Variants in RLF observed in about 807,000 individuals in gnomAD.
RLF encodes RLF zinc finger.
A neutral mutation model predicts 162.9 loss-of-function variants in RLF; 7 were observed. That is an observed-to-expected ratio of 0.04 (90% CI 0.02 to 0.08). The LOEUF is 0.08. RLF is among the 10% of genes least tolerant of loss of function. The pLI, the probability that RLF is intolerant of heterozygous loss-of-function variation, is 1.00. For synonymous variants in RLF, 782 were observed against 791.5 expected, an observed-to-expected ratio of 0.99 and a Z score of 0.20; for missense variants, 1,664 against 2,244.7, an observed-to-expected ratio of 0.74 and a Z score of 5.23.
rs1642080443 is a variant in RLF, at chr1:40,161,433, G to T, written c.34G>T (p.Ala12Ser). The change falls in exon 1 of 8, where the codon GCC becomes TCC. Residue 12 changes from alanine to serine, a missense_variant. Transcript: ENST00000372771. This position sits in a 1 kb window ranked among gnomAD's most constrained non-coding sequence, Gnocchi z 4.4. ...CGGAAAGGGAGACGCCGCCGCTGTCGCCGGGGCTGGGGCTGAGGCTCCGGC... is the reference window on the plus strand; with the variant it reads ...CGGAAAGGGAGACGCCGCCGCTGTCTCCGGGGCTGGGGCTGAGGCTCCGGC... ...ADGKGDAAAV[A>S]GAGAEAPAVA... 1 of 1,558,278 alleles carries T rather than the reference G, an allele frequency of 6.4e-7. No homozygotes were observed. The highest frequency in any genetic ancestry group is 8.6e-7 in the Non-Finnish European group (1 of 1,157,358).
At chr1:40,235,095 C>G (rs1375281597) in intron 7 of RLF, among the ~76,000 whole-genome samples, 2 of 105,626 alleles carry the variant, frequency 1.9e-5, no homozygotes, top group South Asian at 3.4e-4. Flanking sequence ...GAGTTTTGCT[C>G]TTGTTGCCCA....
intron 6 of RLF, among the ~76,000 whole-genome samples, chr1:40,223,987 A>G (rs1420522655): frequency 6.6e-6 from 1 of 152,262 alleles, no homozygotes. Context: ...AGCGACTTAA[A>G]TATAATTTCT....
intron 4 of RLF, among the ~76,000 whole-genome samples, chr1:40,200,984 C>CACACACACA (rs1275639497): frequency 9.2e-6 from 1 of 109,136 alleles, no homozygotes; most frequent in African/African-American, 4.5e-5. Flanking sequence ...CACACACACA[C>CACACACACA]CCCAGTGGTT....
chr1:40,222,348 C>T (rs1261821802), intron 5 of RLF, among the ~76,000 whole-genome samples: 1 of 152,110 alleles, frequency 6.6e-6, no homozygotes, highest in African/African-American at 2.4e-5. Context: ...TTTTAAACTG[C>T]AAAAATGTTT....
rs1007584199 is a variant in RLF at position 40,240,612 on chromosome 1, A to C, written c.*165A>C. ...TATGTCAGCAGTATTGGCTGAGTCC[A>C]TTAGCTCTCCAGTTGGTTTAATGAT... On this transcript the variant is annotated 3_prime_UTR_variant, in exon 8 of 8. Transcript: ENST00000372771. 2 of 582,332 alleles carry C rather than the reference A, an allele frequency of 3.4e-6. No individual in the cohort carries two copies. Among genetic ancestry groups the C allele is most frequent in the Middle Eastern group, 2.6e-4 (1 of 3,824 alleles). 36.1% of individuals were successfully genotyped at this position (582,332 alleles called of 1,614,324 possible).
chr1:40,207,770 C>T (rs1183368115), intron 5 of RLF, among the ~76,000 whole-genome samples: 1 of 152,116 alleles, frequency 6.6e-6, no homozygotes, highest in African/African-American at 2.4e-5. Context: ...GCCACTACAC[C>T]TAGCTCATTT....
In RLF at chr1:40,238,354, T is replaced by A; in HGVS notation, c.3652T>A (p.Cys1218Ser). The A allele has an allele frequency of 1.2e-6, 2 of 1,614,170 alleles. No homozygotes were observed. The highest frequency in any genetic ancestry group is 8.5e-7 in the Non-Finnish European group (1 of 1,180,014). ...TGAAAAGTGTGATCATGAAGGCCCATGTTCAGTAGATAGGTTGAAAGGTGA... is the reference window on the plus strand; with the variant it reads ...TGAAAAGTGTGATCATGAAGGCCCAAGTTCAGTAGATAGGTTGAAAGGTGA... Reference protein sequence around the residue: ...DNEKCDHEGPCSVDRLKGDCS... With the variant: ...DNEKCDHEGPSSVDRLKGDCS... The change falls in exon 8 of 8, where the codon TGT becomes AGT. Residue 1218 changes from cysteine (C) to serine (S), a missense_variant. Cys to Ser is a moderately radical substitution (Grantham distance 112). This residue lies in a region of RLF where 102 missense variants were observed against 109.5 expected (regional missense o/e 0.93). Transcript: ENST00000372771. This position sits in a 1 kb window ranked among gnomAD's most constrained non-coding sequence, Gnocchi z 5.2.
intron 5 of RLF, among the ~76,000 whole-genome samples, chr1:40,205,693 G>A (rs559723491): frequency 1.1e-4 from 17 of 151,952 alleles, no homozygotes; most frequent in Non-Finnish European, 1.9e-4. Flanking sequence ...GGGTTTCACC[G>A]TGTCAGCCAA....
rs1160548011 is a variant in RLF, at chr1:40,237,772, G to C, written c.3070G>C (p.Asp1024His). 6.2e-7 allele frequency: 1 copy of C among 1,614,096 alleles called. No individual in the cohort carries two copies. Among genetic ancestry groups the C allele is most frequent in the Non-Finnish European group, 8.5e-7 (1 of 1,180,004 alleles). Reference protein sequence around the residue: ...PCSDTNSDSPDEGLDHNIHIK... With the variant: ...PCSDTNSDSPHEGLDHNIHIK... Reference sequence around the variant, plus strand: ...CTCAGATACAAACAGTGACTCCCCAGATGAAGGTCTAGATCACAATATTCA... The same window carrying C: ...CTCAGATACAAACAGTGACTCCCCACATGAAGGTCTAGATCACAATATTCA... Residue 1024 changes from aspartate (D) to histidine (H), a missense_variant, in exon 8 of 8, where the codon GAT (aspartate) becomes CAT (histidine). Coordinates refer to ENST00000372771, the MANE Select transcript of RLF (RefSeq NM_012421.4). The surrounding 1 kb of genome is among the most constrained non-coding windows in gnomAD (Gnocchi z 4.4).
chr1:40,189,820 C>T (rs902497399), intron 2 of RLF, among the ~76,000 whole-genome samples: 13 of 151,840 alleles, frequency 8.6e-5, no homozygotes, highest in Non-Finnish European at 1.3e-4. Context: ...AAAAAAAGAA[C>T]GTGATTTAGC....
Position 40,231,704 on chromosome 1 carries a change from A to G in RLF, c.1089+46A>G, listed in dbSNP as rs200753412. On this transcript the variant is annotated intron_variant, in intron 7 of 7. Coordinates refer to ENST00000372771, the MANE Select transcript of RLF (RefSeq NM_012421.4). ...CTGCTAACTGTAGCTGGAGGAAAGAAATGAGTGGGAAGATAACTTCTCAGG... is the reference window on the plus strand; with the variant it reads ...CTGCTAACTGTAGCTGGAGGAAAGAGATGAGTGGGAAGATAACTTCTCAGG... The G allele has an allele frequency of 3.3e-5, 51 of 1,525,102 alleles. No homozygotes were observed. The African/African-American group carries it at 6.7e-4, about 20-fold the overall frequency. 94.5% of individuals were successfully genotyped at this position (1,525,102 alleles called of 1,614,324 possible). A position where few individuals can be genotyped will look rare whatever the true frequency, so the allele number is the denominator to read the frequency against.
intron 1 of RLF, among the ~76,000 whole-genome samples, chr1:40,162,263 C>T (rs1380962541): frequency 6.6e-6 from 1 of 151,108 alleles, no homozygotes; most frequent in Non-Finnish European, 1.5e-5. Context: ...GAGAATAAGG[C>T]TGACTCTTTG....
chr1:40,237,676 G>T lies in RLF; in HGVS notation c.2974G>T (p.Asp992Tyr). ...HFKPKKIKTK[D>Y]LFPSLGNEHN... ...CAAGCCCAAAAAGATAAAGACGAAA[G>T]ATCTGTTTCCCTCTTTGGGTAATGA... Residue 992 changes from aspartate (D) to tyrosine (Y), a missense_variant, in exon 8 of 8, where the codon GAT (aspartate) becomes TAT (tyrosine). Around this residue, in one of 15 missense-constraint regions of RLF, gnomAD observed 295 missense variants for 317.4 expected, o/e 0.93. Coordinates refer to ENST00000372771, the MANE Select transcript of RLF (RefSeq NM_012421.4). This position sits in a 1 kb window ranked among gnomAD's most constrained non-coding sequence, Gnocchi z 4.4. 6.2e-7 allele frequency: 1 copy of T among 1,614,124 alleles called. No individual in the cohort carries two copies. Among genetic ancestry groups the T allele is most frequent in the Non-Finnish European group, 8.5e-7 (1 of 1,179,988 alleles).
At chr1:40,189,313 A>T in intron 2 of RLF, 104 bp downstream of exon 2, 2 of 862,516 alleles carry the variant, frequency 2.3e-6, no homozygotes, top group Non-Finnish European at 1.8e-6. Flanking sequence ...TCAGAGCACC[A>T]TTAGAGTCAT....
In RLF at chr1:40,161,715, C is replaced by T. The variant is rs1642087885; in HGVS notation, c.237+79C>T. The T allele has an allele frequency of 1.3e-6, 2 of 1,539,816 alleles. No individual in the cohort carries two copies. Among genetic ancestry groups the T allele is most frequent in the Admixed American group, 2.2e-5 (1 of 45,822 alleles). On this transcript the variant is annotated intron_variant, in intron 1 of 7. Coordinates refer to ENST00000372771, the MANE Select transcript of RLF (RefSeq NM_012421.4). The surrounding 1 kb of genome is among the most constrained non-coding windows in gnomAD (Gnocchi z 4.4). The stretch of plus-strand genomic sequence containing the variant: ...AGGCCCTGGATCCTCTGTAAGCAGC[C>T]GGGTCCAAACTGAAAGGCGCCACCT...
rs568391702 is a variant in RLF, at chr1:40,231,421, G to A, written c.948-96G>A. ...TAATCTAGTTTTTGTTTTCTCTACT[G>A]TCAGCTTTCTACAGATCAAAAAATT... On this transcript the variant is annotated intron_variant, in intron 6 of 7. Transcript: ENST00000372771. 70 of 1,038,472 alleles carry A rather than the reference G, an allele frequency of 6.7e-5. 1 individual carries two copies. The highest frequency in any genetic ancestry group is 7.8e-5 in the Non-Finnish European group (55 of 705,486). 64.3% of individuals were successfully genotyped at this position (1,038,472 alleles called of 1,614,324 possible). A position where few individuals can be genotyped will look rare whatever the true frequency, so the allele number is the denominator to read the frequency against.
Position 40,176,973 on chromosome 1 carries a change from A to C in RLF, c.238-12082A>C, listed in dbSNP as rs183278799. Among the ~76,000 whole-genome samples, 450 of 148,342 alleles carry C rather than the reference A, an allele frequency of 3.0e-3. 3 individuals carry two copies. Among genetic ancestry groups the C allele is most frequent in the African/African-American group, 0.01 (411 of 40,328 alleles). On this transcript the variant is annotated intron_variant, in intron 1 of 7. Transcript: ENST00000372771. ...CAGTATATTTCTTTCTTTTTTATTTATTTCTTTTTTTAATTAATTAATTTT... is the reference window on the plus strand; with the variant it reads ...CAGTATATTTCTTTCTTTTTTATTTCTTTCTTTTTTTAATTAATTAATTTT...
At chr1:40,201,750 G>A (rs931345551) in intron 4 of RLF, among the ~76,000 whole-genome samples, 9 of 151,900 alleles carry the variant, frequency 5.9e-5, no homozygotes, top group Non-Finnish European at 7.4e-5. Context: ...TTTCAGAGTA[G>A]CATTTTCCAA....
intron 5 of RLF, among the ~76,000 whole-genome samples, chr1:40,220,714 T>C (rs986924715): frequency 1.3e-5 from 2 of 152,192 alleles, no homozygotes; most frequent in African/African-American, 4.8e-5. Context: ...CATTTTGATA[T>C]GGCTATTTTT....
Sources: allele counts gnomAD v4.1 joint callset (sites outside exome capture counted in the v4.1 genomes callset), GRCh38; gene constraint gnomAD v4.1.1; regional missense constraint gnomAD v4.1.1; non-coding constraint Gnocchi (gnomAD v3.1); transcripts MANE v1.5; gene names NCBI Gene and HGNC (gene_info 2026-07-23, HGNC 2026-07-21).